Variants in SGCZ observed in about 807,000 individuals in gnomAD.
SGCZ encodes zeta-sarcoglycan.
In SGCZ, 40 loss-of-function variants were observed where a neutral mutation model predicts 41.3. The observed-to-expected ratio is 0.97, with a 90% CI of 0.75 to 1.26. SGCZ has a LOEUF of 1.26. SGCZ is among the 50% of genes most tolerant of loss of function. The pLI, the probability that SGCZ is intolerant of heterozygous loss-of-function variation, is 0.00. For missense variants in SGCZ, 552 were observed against 369.8 expected, an observed-to-expected ratio of 1.49 and a Z score of -4.04; for synonymous variants, 206 against 137.5, an observed-to-expected ratio of 1.50 and a Z score of -3.49.
intron 1 of SGCZ, among the ~76,000 whole-genome samples, chr8:15,213,289 T>C (rs958910327): frequency 4.6e-5 from 7 of 151,860 alleles, no homozygotes; most frequent in Admixed American, 3.3e-4. Flanking sequence ...CTTCTAGAGG[T>C]TTTGATTTTT....
intron 5 of SGCZ, among the ~76,000 whole-genome samples, chr8:14,135,811 T>C (rs1803179016): frequency 6.6e-6 from 1 of 152,140 alleles, no homozygotes; most frequent in Non-Finnish European, 1.5e-5. Context: ...ACTAGTTTTA[T>C]GAGATTGGTA....
chr8:15,141,651 C>A (rs1808325760), intron 1 of SGCZ, among the ~76,000 whole-genome samples: 1 of 152,152 alleles, frequency 6.6e-6, no homozygotes, highest in South Asian at 2.1e-4. Context: ...CGCCTGTAAT[C>A]CCAGCACTCT....
chr8:14,756,109 T>C (rs117703945), intron 1 of SGCZ, among the ~76,000 whole-genome samples: 1 of 152,150 alleles, frequency 6.6e-6, no homozygotes, highest in Non-Finnish European at 1.5e-5. Flanking sequence ...GCCAACAATA[T>C]TGTAGAGAAA....
intron 1 of SGCZ, among the ~76,000 whole-genome samples, chr8:14,603,331 C>A (rs1805652004): frequency 6.6e-6 from 1 of 151,976 alleles, no homozygotes; most frequent in African/African-American, 2.4e-5. Context: ...AACAATATAT[C>A]AGTTAAGTCA....
At chr8:14,531,886 G>T (rs1373055820) in intron 2 of SGCZ, among the ~76,000 whole-genome samples, 8 of 151,914 alleles carry the variant, frequency 5.3e-5, no homozygotes, top group Non-Finnish European at 1.0e-4. Context: ...AGCTATTTGG[G>T]TCCTTAAGTA....
chr8:14,203,514 C>G (rs1469971422), intron 4 of SGCZ, among the ~76,000 whole-genome samples: 2 of 152,108 alleles, frequency 1.3e-5, no homozygotes, highest in Non-Finnish European at 2.9e-5. Context: ...TTTTATTTCA[C>G]TGGATTCAAT....
At chr8:14,178,879 C>T (rs1804634452) in intron 4 of SGCZ, among the ~76,000 whole-genome samples, 1 of 152,150 alleles carries the variant, frequency 6.6e-6, no homozygotes, top group Non-Finnish European at 1.5e-5. Flanking sequence ...CATTAAATGT[C>T]TAGGTCATTT....
At chr8:14,128,658 T>A (rs766882752) in intron 5 of SGCZ, among the ~76,000 whole-genome samples, 1 of 152,118 alleles carries the variant, frequency 6.6e-6, no homozygotes, top group Non-Finnish European at 1.5e-5. Context: ...TAAGTGTCCA[T>A]CAGTGAATGT....
chr8:14,528,471 A>C (rs1325443010), intron 2 of SGCZ, among the ~76,000 whole-genome samples: 8 of 152,240 alleles, frequency 5.3e-5, no homozygotes, highest in Non-Finnish European at 1.0e-4. Context: ...ATAGAGTTAT[A>C]TGTACCAAAT....
intron 2 of SGCZ, among the ~76,000 whole-genome samples, chr8:14,519,618 T>C (rs1585624601): frequency 1.3e-5 from 2 of 152,250 alleles, no homozygotes; most frequent in East Asian, 1.9e-4. Context: ...CAATGAAGAA[T>C]GGAAGAATAT....
chr8:14,715,875 A>G (rs529890568), intron 1 of SGCZ, among the ~76,000 whole-genome samples: 2 of 152,308 alleles, frequency 1.3e-5, no homozygotes, highest in East Asian at 3.9e-4. Context: ...GAAACAAGTT[A>G]TCATCAGTAG....
chr8:15,077,181 C>A (rs544507011), intron 1 of SGCZ, among the ~76,000 whole-genome samples: 1 of 152,168 alleles, frequency 6.6e-6, no homozygotes, highest in African/African-American at 2.4e-5. Context: ...ATATACTTGA[C>A]CAAACTCGAC....
chr8:14,682,027 T>C (rs1172264812), intron 1 of SGCZ, among the ~76,000 whole-genome samples: 5 of 152,156 alleles, frequency 3.3e-5, no homozygotes, highest in African/African-American at 1.2e-4. Flanking sequence ...AAAAATAACA[T>C]ATCTGCCCAG....
chr8:14,571,767 G>A (rs982789280), intron 1 of SGCZ, among the ~76,000 whole-genome samples: 2 of 152,012 alleles, frequency 1.3e-5, no homozygotes, highest in African/African-American at 2.4e-5. Context: ...ACTTAAAATC[G>A]AGAAACAGCA....
chr8:14,264,958 G>A (rs1050205868), intron 3 of SGCZ, among the ~76,000 whole-genome samples: 2 of 152,102 alleles, frequency 1.3e-5, no homozygotes, highest in Non-Finnish European at 2.9e-5. Flanking sequence ...GCGAGACTCT[G>A]TCTCAAAAAC....
At chr8:14,822,852 G>T (rs1407052057) in intron 1 of SGCZ, among the ~76,000 whole-genome samples, 1 of 151,974 alleles carries the variant, frequency 6.6e-6, no homozygotes, top group Non-Finnish European at 1.5e-5. Flanking sequence ...AGCGCAGCTC[G>T]TGACCAGCGT....
intron 2 of SGCZ, among the ~76,000 whole-genome samples, chr8:14,343,305 C>G (rs1267533173): frequency 6.6e-6 from 1 of 152,122 alleles, no homozygotes; most frequent in Non-Finnish European, 1.5e-5. Flanking sequence ...AGAAGAGGGC[C>G]ACCATCCTCC....
At chr8:15,003,984 T>C (rs985982765) in intron 1 of SGCZ, among the ~76,000 whole-genome samples, 3 of 151,974 alleles carry the variant, frequency 2.0e-5, no homozygotes, top group Non-Finnish European at 4.4e-5. Flanking sequence ...CAGGTCAACA[T>C]GAGCAGGAGG....
chr8:15,003,263 A>C (rs1185547149), intron 1 of SGCZ, among the ~76,000 whole-genome samples: 1 of 152,174 alleles, frequency 6.6e-6, no homozygotes, highest in Non-Finnish European at 1.5e-5. Flanking sequence ...TGAAAGACGA[A>C]GCAGAGAGGG....
Sources: allele counts gnomAD v4.1 joint callset (sites outside exome capture counted in the v4.1 genomes callset), GRCh38; gene constraint gnomAD v4.1.1; transcripts MANE v1.5; gene names NCBI Gene and HGNC (gene_info 2026-07-23, HGNC 2026-07-21).